Variants in UACA observed in about 807,000 individuals in gnomAD.
UACA encodes uveal autoantigen with coiled-coil domains and ankyrin repeats.
In UACA, 112 loss-of-function variants were observed where a neutral mutation model predicts 160.5. The observed-to-expected ratio is 0.70, with a 90% CI of 0.60 to 0.82. The LOEUF is 0.82. Ranked by LOEUF, UACA falls within the 40% of genes least tolerant of loss-of-function variation. The pLI is 0.00. For synonymous variants in UACA, 557 were observed against 568.4 expected (o/e 0.98, Z 0.29); for missense variants, 1,574 against 1,614.6 (o/e 0.97, Z 0.43).
In UACA at chr15:70,676,509, CT is replaced by C. The variant is rs1566969944; in HGVS notation, c.1114del (p.Arg372AspfsTer10). 1 of 1,609,490 alleles carries C rather than the reference CT, an allele frequency of 6.2e-7. No homozygotes were observed. Among genetic ancestry groups the C allele is most frequent in the Non-Finnish European group, 8.5e-7 (1 of 1,177,226 alleles). On this transcript the variant is annotated frameshift_variant, in exon 13 of 19. Coordinates refer to ENST00000322954, the MANE Select transcript of UACA (RefSeq NM_018003.4). LOFTEE classifies it high-confidence loss of function. The stretch of plus-strand genomic sequence containing the variant: ...TTTCTATACCTCAAAATATTTAAAT[CT>C]ATTTTTCAGAGCCTCAATAGTCCTT... ...SLRTIEALKN[R>X]FKYFESDHLG... is the part of the protein sequence containing the mutation.
intron 13 of UACA, among the ~76,000 whole-genome samples, chr15:70,672,775 G>A (rs1382986151): frequency 5.3e-5 from 8 of 152,012 alleles, no homozygotes; most frequent in African/African-American, 1.5e-4. Context: ...CCTAGGCAAC[G>A]TGGTGAGACC....
At position 70,669,412 on chromosome 15, in the gene UACA, T is replaced by C. The variant is rs2140907314; in HGVS notation, c.1272A>G (p.Arg424=). Reference sequence around the variant, plus strand: ...GACTGGGTAAAGATAGTTCCAGAGGTCTTAACATAGATCTGCTTTGCATAT... The same window carrying C: ...GACTGGGTAAAGATAGTTCCAGAGGCCTTAACATAGATCTGCTTTGCATAT... ...PAHMQSRSML[R]PLELSLPSQT... is the part of the protein sequence containing the mutation. The change falls in exon 16 of 19, where the codon AGA becomes AGG. Residue 424 remains arginine (R), a synonymous_variant. Coordinates refer to ENST00000322954, the MANE Select transcript of UACA (RefSeq NM_018003.4). 3 of 1,612,108 alleles carry C rather than the reference T, an allele frequency of 1.9e-6. No homozygotes were observed. Among genetic ancestry groups the C allele is most frequent in the Non-Finnish European group, 2.5e-6 (3 of 1,179,466 alleles).
At chr15:70,750,426 T>C (rs1255405959) in intron 1 of UACA, among the ~76,000 whole-genome samples, 1 of 152,124 alleles carries the variant, frequency 6.6e-6, no homozygotes, top group Non-Finnish European at 1.5e-5. Flanking sequence ...GATCCTCCCT[T>C]GCTATTTTTC....
chr15:70,757,190 T>C (rs1239022195), intron 1 of UACA, among the ~76,000 whole-genome samples: 1 of 152,196 alleles, frequency 6.6e-6, no homozygotes, highest in African/African-American at 2.4e-5. Flanking sequence ...ACAATCAGAA[T>C]TTTGCTGATT....
At chr15:70,736,816 G>T (rs1387200553) in intron 1 of UACA, among the ~76,000 whole-genome samples, 1 of 152,152 alleles carries the variant, frequency 6.6e-6, no homozygotes, top group East Asian at 1.9e-4. Context: ...TCATTTTAAT[G>T]TAAGACTGCA....
intron 1 of UACA, among the ~76,000 whole-genome samples, chr15:70,702,551 T>G (rs1898402361): frequency 6.6e-6 from 1 of 152,172 alleles, no homozygotes; most frequent in African/African-American, 2.4e-5. Context: ...AATGACAACA[T>G]TTTAAGAGAC....
intron 1 of UACA, among the ~76,000 whole-genome samples, chr15:70,722,901 C>CT (rs1899034048): frequency 6.6e-6 from 1 of 152,104 alleles, no homozygotes; most frequent in South Asian, 2.1e-4. Flanking sequence ...GAAGCACTAA[C>CT]TTATCATTAC....
intron 1 of UACA, among the ~76,000 whole-genome samples, chr15:70,716,054 T>C (rs1376639744): frequency 6.6e-6 from 1 of 152,194 alleles, no homozygotes; most frequent in Non-Finnish European, 1.5e-5. Context: ...GCCACTCCTG[T>C]CATCAAGAAA....
intron 1 of UACA, among the ~76,000 whole-genome samples, chr15:70,736,896 T>C (rs1326985654): frequency 6.6e-6 from 1 of 152,240 alleles, no homozygotes; most frequent in Non-Finnish European, 1.5e-5. Context: ...TCTTGGCTGA[T>C]GGTGACAGAG....
At chr15:70,703,038 A>G (rs1281122292) in intron 1 of UACA, 1 of 1,201,826 alleles carries the variant, frequency 8.3e-7, no homozygotes, top group African/African-American at 1.6e-5. Context: ...TACACATTAG[A>G]CAACGAGCTA....
At chr15:70,680,970 C>G (rs562225393) in intron 9 of UACA, among the ~76,000 whole-genome samples, 1 of 152,166 alleles carries the variant, frequency 6.6e-6, no homozygotes, top group Non-Finnish European at 1.5e-5. Flanking sequence ...GCTCCCTCCA[C>G]GATGGGCACA....
At position 70,656,259 on chromosome 15, in the gene UACA, A is replaced by T. The variant is rs1896471430; in HGVS notation, c.*797T>A. The stretch of plus-strand genomic sequence containing the variant: ...TACTATAGTAGCGAATGTCAAACTA[A>T]TTGCTAAAAAAAGTCTAAAGGTTTT... On this transcript the variant is annotated 3_prime_UTR_variant, in exon 19 of 19. Coordinates refer to ENST00000322954, the MANE Select transcript of UACA (RefSeq NM_018003.4). 6.6e-6 allele frequency: 1 copy of T among 152,162 alleles called. No individual in the cohort carries two copies. The highest frequency in any genetic ancestry group is 1.5e-5 in the Non-Finnish European group (1 of 68,010). 9.4% of individuals were successfully genotyped at this position (152,162 alleles called of 1,614,324 possible).
chr15:70,661,269 C>T (rs138045733), intron 17 of UACA: 1 of 152,312 alleles, frequency 6.6e-6, no homozygotes, highest in East Asian at 1.9e-4. Flanking sequence ...CACTTAGAAT[C>T]TGCATTCTCA....
rs149271079 is a variant in UACA, at chr15:70,736,823, T to C, written c.78+26507A>G. Among the ~76,000 whole-genome samples the C allele has an allele frequency of 1.1e-3, 164 of 152,334 alleles. 1 individual carries two copies. Among genetic ancestry groups the C allele is most frequent in the African/African-American group, 3.9e-3 (164 of 41,572 alleles). ...CAAATTTATCATTTTAATGTAAGAC[T>C]GCAGTCATCTATATTGACGTGTTTA... On this transcript the variant is annotated intron_variant, in intron 1 of 18. Transcript: ENST00000322954.
chr15:70,684,466 A>G lies in UACA; in HGVS notation c.603-20T>C. The G allele has an allele frequency of 6.3e-7, 1 of 1,588,544 alleles. No homozygotes were observed. The highest frequency in any genetic ancestry group is 8.5e-7 in the Non-Finnish European group (1 of 1,170,776). On this transcript the variant is annotated intron_variant, in intron 7 of 18. Coordinates refer to ENST00000322954, the MANE Select transcript of UACA (RefSeq NM_018003.4). ...GCAGTTCTAAATGGAAAAATGGAAG[A>G]GCAAAAGACTGAGAAAACTCCAAGG... is the stretch of plus-strand genomic sequence containing the variant.
intron 3 of UACA, among the ~76,000 whole-genome samples, chr15:70,692,517 T>C (rs2140953160): frequency 6.6e-6 from 1 of 152,278 alleles, no homozygotes; most frequent in African/African-American, 2.4e-5. Context: ...ACATCTGTAA[T>C]CCCAGCACTT....
In UACA at chr15:70,676,224, A is replaced by G. The variant is rs895613152; in HGVS notation, c.1131+269T>C. Reference sequence around the variant, plus strand: ...TAGAAATATGATGTTTTAAAAAGGTAAGGATGGACAATGAAGAGAAACTAG... The same window carrying G: ...TAGAAATATGATGTTTTAAAAAGGTGAGGATGGACAATGAAGAGAAACTAG... On this transcript the variant is annotated intron_variant, in intron 13 of 18. Transcript: ENST00000322954. 12 of 272,110 alleles carry G rather than the reference A, an allele frequency of 4.4e-5. 1 individual carries two copies. In the South Asian group the frequency reaches 8.6e-4, roughly 20 times the overall value. 16.9% of individuals were successfully genotyped at this position (272,110 alleles called of 1,614,324 possible).
chr15:70,717,557 C>G (rs1373262830), intron 1 of UACA, among the ~76,000 whole-genome samples: 1 of 152,188 alleles, frequency 6.6e-6, no homozygotes, highest in African/African-American at 2.4e-5. Flanking sequence ...AGTTTGCCAA[C>G]CCTTGTTTCA....
the UACA span, among the ~76,000 whole-genome samples, chr15:70,771,933 A>T: frequency 6.6e-6 from 1 of 152,190 alleles, no homozygotes; most frequent in Non-Finnish European, 1.5e-5. Flanking sequence ...GAGGTTGGAG[A>T]GACAGGCTGG....
Sources: gnomAD v4.1 joint callset for allele counts (sites outside exome capture counted in the v4.1 genomes callset) on GRCh38, gnomAD v4.1.1 for gene constraint, MANE v1.5 for transcripts, NCBI Gene and HGNC (gene_info 2026-07-23, HGNC 2026-07-21) for gene names.